IMMP2L: variants seen among roughly 807,000 people sequenced by gnomAD.
The protein encoded by IMMP2L is inner mitochondrial membrane peptidase subunit 2.
IMMP2L carries 18 observed loss-of-function variants against 19.3 expected under a neutral mutation model. That is an observed-to-expected ratio of 0.93 (90% confidence interval 0.64 to 1.38). IMMP2L has a LOEUF of 1.38. Ranked by LOEUF, IMMP2L falls within the 40% of genes most tolerant of loss-of-function variation. IMMP2L has a pLI of 0.00. For synonymous variants in IMMP2L, 76 were observed against 73.0 expected (o/e 1.04, Z -0.21); for missense variants, 233 against 218.2 (o/e 1.07, Z -0.43).
chr7:111,233,507 G>A (rs1813945395), intron 3 of IMMP2L, among the ~76,000 whole-genome samples: 1 of 151,932 alleles, frequency 6.6e-6, no homozygotes. Flanking sequence ...GGTATTAAAT[G>A]AATGAAAAAG....
At chr7:111,445,074 G>T (rs924604278) in intron 3 of IMMP2L, among the ~76,000 whole-genome samples, 1 of 151,890 alleles carries the variant, frequency 6.6e-6, no homozygotes, top group Non-Finnish European at 1.5e-5. Context: ...AGATCTAAAC[G>T]TCCATAAAAA....
At chr7:110,742,872 A>G (rs956655561) in intron 5 of IMMP2L, among the ~76,000 whole-genome samples, 4 of 152,254 alleles carry the variant, frequency 2.6e-5, no homozygotes, top group Middle Eastern at 3.4e-3. Flanking sequence ...TAAGTCACAT[A>G]TCTCCTTACA....
At chr7:111,185,223 A>T (rs969952200) in intron 3 of IMMP2L, among the ~76,000 whole-genome samples, 13 of 152,182 alleles carry the variant, frequency 8.5e-5, no homozygotes, top group African/African-American at 2.9e-4. Context: ...CTCCAAACAA[A>T]AATACTGAGA....
intron 2 of IMMP2L, among the ~76,000 whole-genome samples, chr7:111,495,437 C>T (rs1310673508): frequency 6.6e-6 from 1 of 152,124 alleles, no homozygotes; most frequent in Non-Finnish European, 1.5e-5. Flanking sequence ...ATCAAATCTG[C>T]TTTTGGAACA....
chr7:111,114,450 T>C (rs1285160345), intron 3 of IMMP2L, among the ~76,000 whole-genome samples: 1 of 151,976 alleles, frequency 6.6e-6, no homozygotes. Context: ...CACAAAGAAA[T>C]ATATTGGCTG....
intron 3 of IMMP2L, among the ~76,000 whole-genome samples, chr7:111,449,029 T>C (rs1333320066): frequency 1.3e-5 from 2 of 151,476 alleles, no homozygotes; most frequent in East Asian, 2.0e-4. Context: ...AATCTCTGAA[T>C]AGACCAATAA....
intron 3 of IMMP2L, among the ~76,000 whole-genome samples, chr7:111,336,209 C>G (rs1315521048): frequency 8.5e-6 from 1 of 117,256 alleles, no homozygotes; most frequent in Non-Finnish European, 1.8e-5. Context: ...GCCAGGCCGG[C>G]TATTTTTTTT....
rs536669539 is a variant in IMMP2L at position 110,819,085 on chromosome 7, T to G, written c.408+67508A>C. ...GTAACAAACCTGCACATTGTGCATATGTACCCTAAAACTTAAAGTATAATA... is the reference window on the plus strand; with the variant it reads ...GTAACAAACCTGCACATTGTGCATAGGTACCCTAAAACTTAAAGTATAATA... On this transcript the variant is annotated intron_variant, in intron 5 of 5. Coordinates refer to ENST00000405709, the MANE Select transcript of IMMP2L (RefSeq NM_032549.4). Among the ~76,000 whole-genome samples the G allele has an allele frequency of 6.5e-4, 98 of 151,806 alleles. 1 individual carries two copies. Among genetic ancestry groups the G allele is most frequent in the African/African-American group, 2.3e-3 (95 of 41,474 alleles).
intron 3 of IMMP2L, among the ~76,000 whole-genome samples, chr7:111,184,735 C>T (rs1808078768): frequency 6.6e-6 from 1 of 150,482 alleles, no homozygotes; most frequent in East Asian, 2.0e-4. Context: ...AGAGGTAATG[C>T]CACCATTCAG....
intron 3 of IMMP2L, among the ~76,000 whole-genome samples, chr7:111,053,968 T>A (rs1675512281): frequency 6.6e-6 from 1 of 152,290 alleles, no homozygotes; most frequent in Admixed American, 6.5e-5. Flanking sequence ...AACAATTCAT[T>A]TTCAGAGGGA....
chr7:111,195,835 T>G (rs1809426080), intron 3 of IMMP2L, among the ~76,000 whole-genome samples: 1 of 4,884 alleles, frequency 2.0e-4, no homozygotes, highest in African/African-American at 2.6e-4. Flanking sequence ...TTTATTTCAT[T>G]TCATTTCATT....
intron 5 of IMMP2L, among the ~76,000 whole-genome samples, chr7:110,784,260 T>C (rs1255068246): frequency 1.3e-5 from 2 of 152,056 alleles, no homozygotes; most frequent in Non-Finnish European, 2.9e-5. Context: ...TTTTAATGCA[T>C]CTGTCTGCAT....
intron 5 of IMMP2L, among the ~76,000 whole-genome samples, chr7:110,664,595 C>G (rs559417984): frequency 2.0e-5 from 3 of 152,034 alleles, no homozygotes; most frequent in Admixed American, 6.5e-5. Flanking sequence ...AACAGGAGAA[C>G]ATAGCAAACT....
chr7:111,452,059 T>G (rs959461155), intron 3 of IMMP2L, among the ~76,000 whole-genome samples: 2 of 152,132 alleles, frequency 1.3e-5, no homozygotes, highest in East Asian at 3.9e-4. Context: ...TTGGAGACAT[T>G]ACATTATTCA....
intron 5 of IMMP2L, among the ~76,000 whole-genome samples, chr7:110,851,994 T>C (rs1360521453): frequency 4.6e-5 from 7 of 151,954 alleles, no homozygotes; most frequent in Non-Finnish European, 8.8e-5. Flanking sequence ...TCCAGCAAAA[T>C]TGACACTGCA....
At position 111,308,997 on chromosome 7, in the gene IMMP2L, T is replaced by G. The variant is rs144095088; in HGVS notation, c.239+178241A>C. 1.8e-4 allele frequency among the ~76,000 whole-genome samples: 27 copies of G among 152,270 alleles called. 1 individual carries two copies. In the East Asian group the frequency reaches 4.8e-3, roughly 27 times the overall value. ...CTGAGCTTGTAATGCTTCATTTTGC[T>G]AAATTTAAACTAGTGCATCATTAAC... On this transcript the variant is annotated intron_variant, in intron 3 of 5. Coordinates refer to ENST00000405709, the MANE Select transcript of IMMP2L (RefSeq NM_032549.4).
At chr7:111,326,344 A>C (rs2130588081) in intron 3 of IMMP2L, among the ~76,000 whole-genome samples, 1 of 151,904 alleles carries the variant, frequency 6.6e-6, no homozygotes, top group South Asian at 2.1e-4. Context: ...TTTTTGATCA[A>C]TACCAAAGAT....
chr7:111,345,040 A>G (rs1376544762), intron 3 of IMMP2L, among the ~76,000 whole-genome samples: 1 of 152,134 alleles, frequency 6.6e-6, no homozygotes, highest in Non-Finnish European at 1.5e-5. Flanking sequence ...CAGAGGTAGT[A>G]GTAAAGATAA....
intron 3 of IMMP2L, among the ~76,000 whole-genome samples, chr7:111,410,669 A>T (rs6966451): frequency 0.011 from 1,640 of 151,926 alleles, 81 homozygotes; most frequent in African/African-American, 0.037. Flanking sequence ...TAAGTTCAAT[A>T]AGATTAAAGA....
Sources: gnomAD v4.1 joint callset for allele counts (sites outside exome capture counted in the v4.1 genomes callset) on GRCh38, gnomAD v4.1.1 for gene constraint, MANE v1.5 for transcripts, NCBI Gene and HGNC (gene_info 2026-07-23, HGNC 2026-07-21) for gene names.